The following ARHGAP33 variants were observed in gnomAD, a reference collection of about 807,000 sequenced individuals.
ARHGAP33 encodes the protein rho GTPase-activating protein 33.
Under a neutral mutation model 126.2 loss-of-function variants are expected in ARHGAP33, and 57 were observed. The ratio of observed to expected loss-of-function variants is 0.45; its 90% CI spans 0.36 to 0.56. The LOEUF (loss-of-function observed/expected upper bound fraction) is 0.56. Ranked by LOEUF, ARHGAP33 falls within the 20% of genes least tolerant of loss-of-function variation. The pLI, the probability that ARHGAP33 is intolerant of heterozygous loss-of-function variation, is 0.00. For missense variants in ARHGAP33, 1,500 were observed against 1,748.3 expected (o/e 0.86, Z 2.53); for synonymous variants, 711 against 755.0 (o/e 0.94, Z 0.95).
intron 15 of ARHGAP33, 148 bp from the exon 16 acceptor site, chr19:35,784,024 A>G: frequency 1.7e-6 from 1 of 604,422 alleles, no homozygotes; most frequent in Admixed American, 3.3e-5. Context: ...GTCTGGGGGA[A>G]GGTTGAGAGC....
Position 35,786,855 on chromosome 19 carries a change from C to T in ARHGAP33, c.2385C>T (p.Ile795=). Residue 795 remains isoleucine (I), a synonymous_variant, in exon 20 of 21, where the codon ATC becomes ATT. Transcript: ENST00000007510. The surrounding 1 kb of genome is among the most constrained non-coding windows in gnomAD (Gnocchi z 7.0). ...CCGCCTCGCCTGCTGCCCTAGACAT[C>T]TCAGAGCCCCTGGCTGTATCAGTGC... The part of the protein sequence containing the change: ...TSPASPAALD[I]SEPLAVSVPP... 6.3e-7 allele frequency: 1 copy of T among 1,596,016 alleles called. No homozygotes were observed. The highest frequency in any genetic ancestry group is 2.3e-5 in the East Asian group (1 of 44,292).
Position 35,778,559 on chromosome 19 carries a change from T to C in ARHGAP33, c.366T>C (p.Leu122=). ...RCIFDRRFSC[L]PELPPPPEGA... The stretch of plus-strand genomic sequence containing the variant: ...TATTTGACCGGAGGTTCTCCTGCCT[T>C]CCGGAGCTTCCCCCGCCCCCCGAGG... The change falls in exon 5 of 21, where the codon CTT becomes CTC. Residue 122 remains leucine, a synonymous_variant. Coordinates refer to ENST00000007510, the MANE Select transcript of ARHGAP33 (RefSeq NM_001366178.1). 1 of 1,614,158 alleles carries C rather than the reference T, an allele frequency of 6.2e-7. No individual in the cohort carries two copies. Among genetic ancestry groups the C allele is most frequent in the Non-Finnish European group, 8.5e-7 (1 of 1,180,016 alleles).
rs1256357118 is a variant in ARHGAP33, at chr19:35,784,995, G to A, written c.1610G>A (p.Cys537Tyr). 5 of 1,547,012 alleles carry A rather than the reference G, an allele frequency of 3.2e-6. No homozygotes were observed. Among genetic ancestry groups the A allele is most frequent in the Non-Finnish European group, 4.4e-6 (5 of 1,146,912 alleles). The change falls in exon 17 of 21, where the codon TGC becomes TAC. Residue 537 changes from cysteine (C) to tyrosine (Y), a missense_variant. Cys to Tyr is a radical substitution (Grantham distance 194, BLOSUM62 -2). This residue lies in a region of ARHGAP33 where 300 missense variants were observed against 291.1 expected (regional missense o/e 1.03). Coordinates refer to ENST00000007510, the MANE Select transcript of ARHGAP33 (RefSeq NM_001366178.1). ...AGGCCCAAGTCCCTTGCGGGCAGCT[G>A]CCCCTCCACCCGCCTGCTGACGCTG... ...LPRPKSLAGS[C>Y]PSTRLLTLEE...
At chr19:35,777,570 C>T (rs764633666) in intron 1 of ARHGAP33, 75 bp from the exon 2 acceptor site, 16 of 1,286,204 alleles carry the variant, frequency 1.2e-5, no homozygotes, top group Admixed American at 1.2e-4. Context: ...TCTGGACCCG[C>T]GCTGCCAGAT....
At chr19:35,777,615 TG>T (rs1398132925) in intron 1 of ARHGAP33, 29 bp from the exon 2 acceptor site, 1 of 1,538,614 alleles carries the variant, frequency 6.5e-7, no homozygotes, top group Non-Finnish European at 8.8e-7. Context: ...CTCCCATCTC[TG>T]GGGGCCTCTG....
At chr19:35,777,968 C>T in intron 3 of ARHGAP33, 60 bp downstream of exon 3, 22 of 1,567,058 alleles carry the variant, frequency 1.4e-5, no homozygotes, top group Non-Finnish European at 1.8e-5. Context: ...AACCTTGCAA[C>T]GATATCAGGT....
chr19:35,785,189 G>A lies in ARHGAP33; in HGVS notation c.1722G>A (p.Arg574=). ...TPKAPASPAE[R]RKGERGEKQR... ...CTCCTGTTTCTCCCCCAAACCGCAG[G>A]AGGAAAGGGGAGAGAGGGGAGAAGC... is the stretch of plus-strand genomic sequence containing the variant. The change falls in exon 18 of 21, where the codon AGG becomes AGA. Residue 574 remains arginine (R), a splice_region_variant and synonymous_variant. Coordinates refer to ENST00000007510, the MANE Select transcript of ARHGAP33 (RefSeq NM_001366178.1). 1.3e-6 allele frequency: 2 copies of A among 1,575,008 alleles called. No homozygotes were observed. The highest frequency in any genetic ancestry group is 1.1e-5 in the South Asian group (1 of 88,010).
At chr19:35,777,437 G>C (rs1971512895) in intron 1 of ARHGAP33, 5 of 600,706 alleles carry the variant, frequency 8.3e-6, no homozygotes, top group Non-Finnish European at 1.5e-5. Flanking sequence ...TCTGGCCCCT[G>C]CTTCTCCAGT....
In ARHGAP33 at chr19:35,788,378, C is replaced by G. The variant is rs1270464359; in HGVS notation, c.3813C>G (p.Pro1271=). Residue 1271 remains proline, a synonymous_variant, in exon 21 of 21, where the codon CCC becomes CCG. Coordinates refer to ENST00000007510, the MANE Select transcript of ARHGAP33 (RefSeq NM_001366178.1). ...GGGCTGGTCCCCCACCCCCTTACCCCACTCCCAGCTGGTCCCTCCACTCTG... is the reference window on the plus strand; with the variant it reads ...GGGCTGGTCCCCCACCCCCTTACCCGACTCCCAGCTGGTCCCTCCACTCTG... ...GEGAGPPPPY[P]TPSWSLHSEG... is the part of the protein sequence containing the mutation. 2 of 1,591,138 alleles carry G rather than the reference C, an allele frequency of 1.3e-6. No individual in the cohort carries two copies. Among genetic ancestry groups the G allele is most frequent in the South Asian group, 1.1e-5 (1 of 88,434 alleles).
Position 35,787,071 on chromosome 19 carries a change from C to G in ARHGAP33, c.2601C>G (p.Leu867=), listed in dbSNP as rs370630809. 2.5e-5 allele frequency: 40 copies of G among 1,601,918 alleles called. No individual in the cohort carries two copies. In the African/African-American group the frequency reaches 4.3e-4, roughly 17 times the overall value. ...CSKLRGAQGP[L]GPDMESPLPP... ...AGCTCCGGGGAGCCCAGGGCCCACT[C>G]GGTGAGTCCTCAGCCTACCCCACCC... Residue 867 remains leucine, a splice_region_variant and synonymous_variant, in exon 20 of 21, where the codon CTC becomes CTG. Coordinates refer to ENST00000007510, the MANE Select transcript of ARHGAP33 (RefSeq NM_001366178.1).
At position 35,785,272 on chromosome 19, in the gene ARHGAP33, G is replaced by A; in HGVS notation, c.1805G>A (p.Ser602Asn). 6.3e-7 allele frequency: 1 copy of A among 1,597,918 alleles called. No homozygotes were observed. Among genetic ancestry groups the A allele is most frequent in the Non-Finnish European group, 8.5e-7 (1 of 1,172,016 alleles). The change falls in exon 18 of 21, where the codon AGT becomes AAT. Residue 602 changes from serine (S) to asparagine (N), a missense_variant. This residue lies in a region of ARHGAP33 where 300 missense variants were observed against 291.1 expected (regional missense o/e 1.03). Transcript: ENST00000007510. ...TTCTTTGCACTGGGCCGGGGCCCCA[G>A]TGTCCCTCGAAAGAAGCCCCTGCCC... is the stretch of plus-strand genomic sequence containing the variant. ...KTFFALGRGP[S>N]VPRKKPLPWL...
rs1191519587 is a variant in ARHGAP33, at chr19:35,786,643, G to T, written c.2173G>T (p.Asp725Tyr). The change falls in exon 20 of 21, where the codon GAC (aspartate) becomes TAC (tyrosine). Residue 725 changes from aspartate to tyrosine, a missense_variant. Around this residue, in one of 6 missense-constraint regions of ARHGAP33, gnomAD observed 300 missense variants for 291.1 expected, o/e 1.03. Coordinates refer to ENST00000007510, the MANE Select transcript of ARHGAP33 (RefSeq NM_001366178.1). This position sits in a 1 kb window ranked among gnomAD's most constrained non-coding sequence, Gnocchi z 7.0. The stretch of plus-strand genomic sequence containing the variant: ...CTGGCTAGATGATGGTGATGAGCTG[G>T]ACTTCAGCCCACCCCGCTGCCTGGA... The part of the protein sequence containing the change: ...SAWLDDGDEL[D>Y]FSPPRCLEGL... 6 of 1,535,686 alleles carry T rather than the reference G, an allele frequency of 3.9e-6. No homozygotes were observed. The Admixed American group carries it at 1.2e-4, about 30-fold the overall frequency.
chr19:35,780,816 G>A lies in ARHGAP33; in HGVS notation c.829G>A (p.Ala277Thr), dbSNP rs756153377. ...APQGISSLTS[A>T]VPRPRGKLAG... ...CCAGGGTATCTCGTCTCTGACCTCA[G>A]GTAATAGAAATAGGCGGTCAGGTCC... Residue 277 changes from alanine (A) to threonine (T), a missense_variant and splice_region_variant, in exon 10 of 21, where the codon GCT (alanine) becomes ACT (threonine). Ala to Thr is a moderately conservative substitution (Grantham distance 58, BLOSUM62 0). This residue lies in a region of ARHGAP33 where 281 missense variants were observed against 413.7 expected (regional missense o/e 0.68). Transcript: ENST00000007510. The A allele has an allele frequency of 1.2e-6, 2 of 1,614,028 alleles. No homozygotes were observed. Among genetic ancestry groups the A allele is most frequent in the Non-Finnish European group, 1.7e-6 (2 of 1,180,002 alleles).
intron 15 of ARHGAP33, among the ~76,000 whole-genome samples, chr19:35,783,917 T>G (rs1971944086): frequency 1.5e-5 from 2 of 131,962 alleles, no homozygotes; most frequent in Non-Finnish European, 3.2e-5. Flanking sequence ...GACAGATTGA[T>G]TGTGGGAGTT....
At position 35,787,614 on chromosome 19, in the gene ARHGAP33, G is replaced by A; in HGVS notation, c.3049G>A (p.Ala1017Thr). 1 of 1,603,774 alleles carries A rather than the reference G, an allele frequency of 6.2e-7. No individual in the cohort carries two copies. The highest frequency in any genetic ancestry group is 8.5e-7 in the Non-Finnish European group (1 of 1,176,960). Residue 1017 changes from alanine to threonine, a missense_variant, in exon 21 of 21, where the codon GCC becomes ACC. By Grantham distance (58) the Ala-to-Thr change is moderately conservative. This residue lies in a region of ARHGAP33 where 642 missense variants were observed against 634.0 expected (regional missense o/e 1.01). Transcript: ENST00000007510. ...GGGCAGGGATGCGCCAGAGGCAGCA[G>A]CCCAGTCCCCATGTTCTGTCCCCTC... ...GGGRDAPEAAAQSPCSVPSQV... is the reference protein window; with the variant it reads ...GGGRDAPEAATQSPCSVPSQV...
chr19:35,785,265 G>A lies in ARHGAP33; in HGVS notation c.1798G>A (p.Gly600Ser), dbSNP rs1972050576. 6.3e-7 allele frequency: 1 copy of A among 1,596,354 alleles called. No individual in the cohort carries two copies. Among genetic ancestry groups the A allele is most frequent in the Non-Finnish European group, 8.5e-7 (1 of 1,171,130 alleles). ...SWKTFFALGR[G>S]PSVPRKKPLP... Reference sequence around the variant, plus strand: ...GAAGACGTTCTTTGCACTGGGCCGGGGCCCCAGTGTCCCTCGAAAGAAGCC... The same window carrying A: ...GAAGACGTTCTTTGCACTGGGCCGGAGCCCCAGTGTCCCTCGAAAGAAGCC... Residue 600 changes from glycine (G) to serine (S), a missense_variant, in exon 18 of 21, where the codon GGC (glycine) becomes AGC (serine). Transcript: ENST00000007510.
intron 3 of ARHGAP33, 139 bp from the exon 4 acceptor site, chr19:35,778,141 T>G: frequency 1.1e-6 from 1 of 920,742 alleles, no homozygotes; most frequent in Non-Finnish European, 1.7e-6. Context: ...ATCTGCTCTA[T>G]GTCAGGGACC....
chr19:35,786,673 C>G lies in ARHGAP33; in HGVS notation c.2203C>G (p.Leu735Val), dbSNP rs1410235323. Residue 735 changes from leucine to valine, a missense_variant, in exon 20 of 21, where the codon CTC becomes GTC. This residue lies in a region of ARHGAP33 where 73 missense variants were observed against 110.8 expected (regional missense o/e 0.66). Transcript: ENST00000007510. This position sits in a 1 kb window ranked among gnomAD's most constrained non-coding sequence, Gnocchi z 7.0. ...CAGCCCACCCCGCTGCCTGGAGGGA[C>G]TCCGGGGGCTGGACTTTGATCCCTT... is the stretch of plus-strand genomic sequence containing the variant. Reference protein sequence around the residue: ...DFSPPRCLEGLRGLDFDPLTF... With the variant: ...DFSPPRCLEGVRGLDFDPLTF... 1.3e-6 allele frequency: 2 copies of G among 1,535,614 alleles called. No homozygotes were observed. Among genetic ancestry groups the G allele is most frequent in the African/African-American group, 2.7e-5 (2 of 72,992 alleles).
chr19:35,783,002 C>T (rs1971885858), intron 15 of ARHGAP33, 133 bp downstream of exon 15: 1 of 761,692 alleles, frequency 1.3e-6, no homozygotes, highest in African/African-American at 1.7e-5. Context: ...GGCCCCGTCC[C>T]TAGCACTGGG....
Sources: allele counts gnomAD v4.1 joint callset (sites outside exome capture counted in the v4.1 genomes callset), GRCh38; gene constraint gnomAD v4.1.1; regional missense constraint gnomAD v4.1.1; non-coding constraint Gnocchi (gnomAD v3.1); transcripts MANE v1.5; gene names NCBI Gene and HGNC (gene_info 2026-07-23, HGNC 2026-07-21).